Variants in CTNNA3 observed in about 807,000 individuals in gnomAD.
The protein encoded by CTNNA3 is catenin alpha 3.
In CTNNA3, 76 loss-of-function variants were observed where a neutral mutation model predicts 95.7. That is an observed-to-expected ratio of 0.79 (90% confidence interval 0.66 to 0.96). CTNNA3 has a LOEUF of 0.96. Among genes scored for constraint, CTNNA3 ranks in the 40% least tolerant of loss-of-function variants. CTNNA3 has a pLI of 0.00. For missense variants in CTNNA3, 1,191 were observed against 1,089.8 expected, an observed-to-expected ratio of 1.09 and a Z score of -1.31; for synonymous variants, 431 against 374.4, an observed-to-expected ratio of 1.15 and a Z score of -1.74.
At chr10:67,288,573 C>T (rs1273955289) in intron 5 of CTNNA3, among the ~76,000 whole-genome samples, 7 of 152,252 alleles carry the variant, frequency 4.6e-5, no homozygotes, top group East Asian at 1.9e-4. Context: ...AACCAGCTTC[C>T]GCAACATAGT....
chr10:67,150,374 A>G (rs1861035433), intron 7 of CTNNA3, among the ~76,000 whole-genome samples: 1 of 152,200 alleles, frequency 6.6e-6, no homozygotes, highest in Non-Finnish European at 1.5e-5. Context: ...ATGAATCAGC[A>G]TGTACAGAAA....
intron 7 of CTNNA3, among the ~76,000 whole-genome samples, chr10:67,008,743 G>T (rs1036205154): frequency 1.3e-5 from 2 of 152,104 alleles, no homozygotes; most frequent in Non-Finnish European, 2.9e-5. Context: ...GCTAGCTCAG[G>T]CATATTCACA....
chr10:67,739,785 C>T (rs969924024), intron 1 of CTNNA3, among the ~76,000 whole-genome samples: 47 of 152,224 alleles, frequency 3.1e-4, no homozygotes, highest in Non-Finnish European at 4.9e-4. Context: ...AATGACTTTC[C>T]TCAAAGAATT....
Position 67,020,500 on chromosome 10 carries a change from C to T in CTNNA3, c.1047+159817G>A, listed in dbSNP as rs187062366. The stretch of plus-strand genomic sequence containing the variant: ...TCACTTACAGAGTCTAACAATTTAT[C>T]CCCTCTATAAGTTTCACAATAGTCT... On this transcript the variant is annotated intron_variant, in intron 7 of 17. Transcript: ENST00000433211. 3.3e-3 allele frequency among the ~76,000 whole-genome samples: 504 copies of T among 152,184 alleles called. 5 individuals carry two copies. The highest frequency in any genetic ancestry group is 0.011 in the African/African-American group (473 of 41,518).
intron 12 of CTNNA3, among the ~76,000 whole-genome samples, chr10:66,310,987 C>A (rs749937773): frequency 5.3e-5 from 8 of 152,116 alleles, no homozygotes; most frequent in Admixed American, 2.0e-4. Context: ...ATAACTCTTA[C>A]TTTTGGAAGT....
At chr10:66,797,220 C>T (rs1449724705) in intron 7 of CTNNA3, among the ~76,000 whole-genome samples, 1 of 151,748 alleles carries the variant, frequency 6.6e-6, no homozygotes, top group African/African-American at 2.4e-5. Context: ...ACAGAGAGTA[C>T]ATATTTCTTA....
chr10:66,570,447 C>T (rs928153864), intron 10 of CTNNA3, among the ~76,000 whole-genome samples: 2 of 152,012 alleles, frequency 1.3e-5, no homozygotes, highest in Non-Finnish European at 2.9e-5. Context: ...TGCCACCACG[C>T]ACAGCTAATT....
chr10:67,426,014 G>T (rs1057045848), intron 5 of CTNNA3, among the ~76,000 whole-genome samples: 1 of 152,018 alleles, frequency 6.6e-6, no homozygotes, highest in Non-Finnish European at 1.5e-5. Context: ...GGTGTCACAG[G>T]TCCTAAGGAA....
chr10:66,926,592 GT>G, intron 7 of CTNNA3: 1 of 1,613,890 alleles, frequency 6.2e-7, no homozygotes, highest in Non-Finnish European at 8.5e-7. Flanking sequence ...GGATGGGTAT[GT>G]TTTGTCATTT....
intron 7 of CTNNA3, among the ~76,000 whole-genome samples, chr10:67,104,848 A>G (rs547439736): frequency 6.6e-5 from 10 of 152,062 alleles, no homozygotes; most frequent in Non-Finnish European, 1.0e-4. Context: ...CTAGGCTATA[A>G]ATTTAAAACA....
intron 7 of CTNNA3, among the ~76,000 whole-genome samples, chr10:66,825,622 G>C (rs1842479479): frequency 6.6e-6 from 1 of 152,110 alleles, no homozygotes; most frequent in Non-Finnish European, 1.5e-5. Context: ...ACTTTCCGTA[G>C]TTAAAAACAA....
rs1589555331 is a variant in CTNNA3, at chr10:66,148,325, A to ATT, written c.1885-45077_1885-45076insAA. ...GTTTAAGAAAAATCTCACCACAAAAATGTTGCACAAATAGTATCTACTAGT... is the reference window on the plus strand; with the variant it reads ...GTTTAAGAAAAATCTCACCACAAAAATTTGTTGCACAAATAGTATCTACTAGT... On this transcript the variant is annotated intron_variant, in intron 13 of 17. Coordinates refer to ENST00000433211, the MANE Select transcript of CTNNA3 (RefSeq NM_013266.4). Among the ~76,000 whole-genome samples, 8 of 152,274 alleles carry ATT rather than the reference A, an allele frequency of 5.3e-5. No individual in the cohort carries two copies. The East Asian group carries it at 1.5e-3, about 29-fold the overall frequency.
intron 12 of CTNNA3, among the ~76,000 whole-genome samples, chr10:66,301,985 T>A (rs192167468): frequency 2.0e-5 from 3 of 152,070 alleles, no homozygotes; most frequent in African/African-American, 7.2e-5. Flanking sequence ...ACAGCAAGCT[T>A]GTAGGATACA....
intron 7 of CTNNA3, among the ~76,000 whole-genome samples, chr10:66,944,291 C>G (rs1848169421): frequency 6.6e-6 from 1 of 152,168 alleles, no homozygotes; most frequent in Admixed American, 6.5e-5. Context: ...TCTCAAGAGA[C>G]AACTTTCTCT....
At chr10:65,948,578 A>C (rs1027906111) in intron 17 of CTNNA3, among the ~76,000 whole-genome samples, 7 of 152,154 alleles carry the variant, frequency 4.6e-5, no homozygotes, top group Admixed American at 4.6e-4. Context: ...ATCATCAGAA[A>C]GTAACATTTC....
chr10:66,928,181 C>A, intron 7 of CTNNA3: 1 of 1,614,090 alleles, frequency 6.2e-7, no homozygotes, highest in Non-Finnish European at 8.5e-7. Flanking sequence ...AAAATCATCG[C>A]GGGCAGCGTG....
intron 5 of CTNNA3, among the ~76,000 whole-genome samples, chr10:67,269,935 C>T (rs540109344): frequency 6.6e-6 from 1 of 152,174 alleles, no homozygotes; most frequent in Admixed American, 6.5e-5. Flanking sequence ...AGGACAACAA[C>T]TCAGAAGGGA....
At chr10:66,503,084 C>T (rs1221060813) in intron 11 of CTNNA3, among the ~76,000 whole-genome samples, 2 of 152,112 alleles carry the variant, frequency 1.3e-5, no homozygotes, top group African/African-American at 2.4e-5. Context: ...CTTTCTCATA[C>T]TGGTTTAAAT....
At chr10:66,763,339 C>CAGAGAGAGAGAG (rs1435579566) in intron 9 of CTNNA3, among the ~76,000 whole-genome samples, 5,019 of 128,646 alleles carry the variant, frequency 0.039, 138 homozygotes, top group East Asian at 0.14. Context: ...CACACACACA[C>CAGAGAGAGAGAG]ACAGAGAGAG....
Sources: allele counts gnomAD v4.1 joint callset (sites outside exome capture counted in the v4.1 genomes callset), GRCh38; gene constraint gnomAD v4.1.1; transcripts MANE v1.5; gene names NCBI Gene and HGNC (gene_info 2026-07-23, HGNC 2026-07-21).